Variants in MOXD1 observed in about 807,000 individuals in gnomAD.
MOXD1 encodes monooxygenase DBH like 1, also known as DBH-like monooxygenase protein 1.
Under a neutral mutation model 66.6 loss-of-function variants are expected in MOXD1, and 62 were observed. The ratio of observed to expected loss-of-function variants is 0.93; its 90% CI spans 0.76 to 1.15. MOXD1 has a LOEUF of 1.15. MOXD1 is among the 50% of genes most tolerant of loss of function. The pLI is 0.00. For missense variants in MOXD1, 847 were observed against 754.6 expected (o/e 1.12, Z -1.44); for synonymous variants, 303 against 281.9 (o/e 1.07, Z -0.75).
intron 1 of MOXD1, among the ~76,000 whole-genome samples, chr6:132,397,996 C>T (rs1237976028): frequency 6.6e-6 from 1 of 152,158 alleles, no homozygotes; most frequent in African/African-American, 2.4e-5. Context: ...ATCCATAACC[C>T]AAATAACATA....
chr6:132,306,073 A>G (rs1774681946), intron 10 of MOXD1, among the ~76,000 whole-genome samples: 1 of 152,150 alleles, frequency 6.6e-6, no homozygotes, highest in Admixed American at 6.5e-5. Flanking sequence ...TGCTGGGCTA[A>G]AGAAGCATGT....
intron 4 of MOXD1, among the ~76,000 whole-genome samples, chr6:132,332,474 C>CT (rs1775342284): frequency 6.6e-6 from 1 of 151,956 alleles, no homozygotes; most frequent in Admixed American, 6.6e-5. Flanking sequence ...AAAAAATTAC[C>CT]TGACTATCAA....
intron 10 of MOXD1, among the ~76,000 whole-genome samples, chr6:132,303,807 A>ATGTG (rs768465608): frequency 2.7e-3 from 131 of 47,858 alleles, no homozygotes; most frequent in Non-Finnish European, 3.5e-3. Flanking sequence ...ATACACACAC[A>ATGTG]TGTGTGTGTG....
intron 10 of MOXD1, among the ~76,000 whole-genome samples, chr6:132,303,560 T>C (rs1465626884): frequency 6.6e-6 from 1 of 151,710 alleles, no homozygotes; most frequent in African/African-American, 2.4e-5. Context: ...TTATGCTGTA[T>C]TGTTAAGGAA....
intron 4 of MOXD1, among the ~76,000 whole-genome samples, chr6:132,366,716 G>A (rs1467700588): frequency 3.3e-5 from 5 of 152,038 alleles, no homozygotes; most frequent in Non-Finnish European, 4.4e-5. Flanking sequence ...TTTCAGAAAC[G>A]TGTTAATGAT....
chr6:132,400,883 G>A (rs1777007453), intron 1 of MOXD1, among the ~76,000 whole-genome samples: 1 of 151,904 alleles, frequency 6.6e-6, no homozygotes, highest in African/African-American at 2.4e-5. Flanking sequence ...GTGTGTAGGC[G>A]GGGGGGCGTC....
chr6:132,303,908 C>T (rs1240478481), intron 10 of MOXD1, among the ~76,000 whole-genome samples: 22 of 133,210 alleles, frequency 1.7e-4, no homozygotes, highest in Non-Finnish European at 3.1e-4. Context: ...TAGGACAATT[C>T]TCTGGGTGGC....
intron 6 of MOXD1, 67 bp downstream of exon 6, chr6:132,327,946 T>TAC: frequency 7.8e-7 from 1 of 1,289,708 alleles, no homozygotes; most frequent in Non-Finnish European, 1.1e-6. Flanking sequence ...TCAACTCTGT[T>TAC]AAAGACTTAC....
In MOXD1 at chr6:132,296,625, G is replaced by A. The variant is rs1326514200; in HGVS notation, c.*528C>T. 1 of 152,208 alleles carries A rather than the reference G, an allele frequency of 6.6e-6. No homozygotes were observed. The highest frequency in any genetic ancestry group is 1.5e-5 in the Non-Finnish European group (1 of 68,156). 9.4% of individuals were successfully genotyped at this position (152,208 alleles called of 1,614,324 possible). On this transcript the variant is annotated 3_prime_UTR_variant, in exon 12 of 12. Transcript: ENST00000367963. ...ATCAACAAAAAGCATTGAGGTAAGG[G>A]GCCCAGTGGTAATTCACAGAAAAGA...
intron 1 of MOXD1, among the ~76,000 whole-genome samples, chr6:132,396,251 C>A: frequency 1.3e-5 from 2 of 151,806 alleles, no homozygotes; most frequent in Middle Eastern, 3.4e-3. Context: ...TTGGAAACTG[C>A]ACAAATACAT....
At position 132,325,541 on chromosome 6, in the gene MOXD1, C is replaced by T. The variant is rs891033304; in HGVS notation, c.947-1444G>A. On this transcript the variant is annotated intron_variant, in intron 6 of 11. Transcript: ENST00000367963. The stretch of plus-strand genomic sequence containing the variant: ...TGAAGCCTACTGCCATGTTATGACC[C>T]GTAAGAAGGCCCTCATCAGATGCCA... Among the ~76,000 whole-genome samples, 6 of 152,258 alleles carry T rather than the reference C, an allele frequency of 3.9e-5. No homozygotes were observed. The East Asian group carries it at 9.6e-4, about 24-fold the overall frequency.
In MOXD1 at chr6:132,320,682, T is replaced by C; in HGVS notation, c.1312A>G (p.Asn438Asp). Residue 438 changes from asparagine to aspartate, a missense_variant, in exon 9 of 12, where the codon AAC becomes GAC. By Grantham distance (23) the Asn-to-Asp change is conservative (BLOSUM62 1). Coordinates refer to ENST00000367963, the MANE Select transcript of MOXD1 (RefSeq NM_015529.4). ...TTGTAGCGACACTCAGTAATTAGGT[T>C]ATCTCCCTGAAACATAAAAGCAAAA... ...KEEQTILPGDNLITECRYNTK... is the reference protein window; with the variant it reads ...KEEQTILPGDDLITECRYNTK... The C allele has an allele frequency of 1.9e-6, 3 of 1,611,564 alleles. No homozygotes were observed. The highest frequency in any genetic ancestry group is 2.5e-6 in the Non-Finnish European group (3 of 1,178,906).
intron 4 of MOXD1, among the ~76,000 whole-genome samples, chr6:132,353,362 G>T (rs938089821): frequency 5.3e-5 from 8 of 152,060 alleles, no homozygotes; most frequent in African/African-American, 1.7e-4. Flanking sequence ...CTTAATAGTG[G>T]CGAATTCTCT....
intron 4 of MOXD1, among the ~76,000 whole-genome samples, chr6:132,335,004 C>G (rs1451381914): frequency 6.6e-6 from 1 of 152,080 alleles, no homozygotes; most frequent in Non-Finnish European, 1.5e-5. Flanking sequence ...GCAGAATTCC[C>G]TAGAACTTAG....
intron 1 of MOXD1, among the ~76,000 whole-genome samples, chr6:132,400,067 C>A (rs1776986467): frequency 6.6e-6 from 1 of 152,156 alleles, no homozygotes; most frequent in African/African-American, 2.4e-5. Context: ...TTATTGTTGT[C>A]ACTTTATTTC....
intron 1 of MOXD1, among the ~76,000 whole-genome samples, chr6:132,385,535 G>T (rs1776612693): frequency 6.6e-6 from 1 of 150,738 alleles, no homozygotes; most frequent in Non-Finnish European, 1.5e-5. Flanking sequence ...CCAGGCTGAA[G>T]TTCAGTGGCA....
intron 4 of MOXD1, among the ~76,000 whole-genome samples, chr6:132,349,005 C>T (rs1325065388): frequency 5.3e-5 from 8 of 151,582 alleles, no homozygotes; most frequent in Non-Finnish European, 1.5e-5. Flanking sequence ...CCAAGGGTTA[C>T]GGGGGCACAG....
intron 4 of MOXD1, among the ~76,000 whole-genome samples, chr6:132,342,086 T>C (rs1775575269): frequency 2.0e-5 from 3 of 151,776 alleles, no homozygotes; most frequent in African/African-American, 7.3e-5. Context: ...CACTGCAAAC[T>C]CCACCTCCCG....
intron 4 of MOXD1, among the ~76,000 whole-genome samples, chr6:132,369,252 T>G (rs72994835): frequency 3.3e-5 from 5 of 152,024 alleles, no homozygotes; most frequent in African/African-American, 1.2e-4. Context: ...GCTCAATGCT[T>G]TCTAGTGCGG....
Sources: allele counts gnomAD v4.1 joint callset (sites outside exome capture counted in the v4.1 genomes callset), GRCh38; gene constraint gnomAD v4.1.1; transcripts MANE v1.5; gene names NCBI Gene and HGNC (gene_info 2026-07-23, HGNC 2026-07-21).